Variants in TBC1D8 observed in about 807,000 individuals in gnomAD.
The protein encoded by TBC1D8 is TBC1 domain family member 8, also known as BUB2-like protein 1.
A neutral mutation model predicts 118.8 loss-of-function variants in TBC1D8; 65 were observed. That is an observed-to-expected ratio of 0.55 (90% CI 0.45 to 0.67). The LOEUF (loss-of-function observed/expected upper bound fraction) is 0.67, where lower values mean the gene tolerates loss of function less well. Among genes scored for constraint, TBC1D8 ranks in the 30% least tolerant of loss-of-function variants. TBC1D8 has a pLI of 0.00. For missense variants in TBC1D8, 1,376 were observed against 1,471.2 expected, an observed-to-expected ratio of 0.94 and a Z score of 1.06; for synonymous variants, 566 against 595.8, an observed-to-expected ratio of 0.95 and a Z score of 0.73.
At chr2:101,134,947 G>A (rs544207671) in intron 1 of TBC1D8, among the ~76,000 whole-genome samples, 86 of 152,222 alleles carry the variant, frequency 5.6e-4, no homozygotes, top group Admixed American at 2.1e-3. Context: ...GCCGAGGCAG[G>A]TGGATCACAA....
intron 17 of TBC1D8, chr2:101,017,996 C>T: frequency 1.1e-5 from 16 of 1,449,726 alleles, no homozygotes; most frequent in Non-Finnish European, 1.4e-5. Context: ...CCAATGCTCG[C>T]AATTCTACTT....
Position 101,027,409 on chromosome 2 carries a change from G to T in TBC1D8, c.2494C>A (p.Leu832Ile). ...TTGAATAAGTCGTAGAGCTCCTCTAGGTCTTCAGGAAGAATTGAGACTTCC... is the reference window on the plus strand; with the variant it reads ...TTGAATAAGTCGTAGAGCTCCTCTATGTCTTCAGGAAGAATTGAGACTTCC... Reference protein sequence around the residue: ...IPEVSILPEDLEELYDLFKRE... With the variant: ...IPEVSILPEDIEELYDLFKRE... Residue 832 changes from leucine (L) to isoleucine (I), a missense_variant, in exon 15 of 20, where the codon CTA becomes ATA. Physicochemically the swap from Leu to Ile is conservative, Grantham distance 5 (BLOSUM62 2). Transcript: ENST00000409318. 6.2e-7 allele frequency: 1 copy of T among 1,613,290 alleles called. No individual in the cohort carries two copies. Among genetic ancestry groups the T allele is most frequent in the Non-Finnish European group, 8.5e-7 (1 of 1,179,356 alleles).
At chr2:101,021,058 C>G (rs1354456547) in intron 17 of TBC1D8, among the ~76,000 whole-genome samples, 1 of 152,158 alleles carries the variant, frequency 6.6e-6, no homozygotes, top group Non-Finnish European at 1.5e-5. Context: ...TAGAATCCCC[C>G]TCAGTGCCTA....
Position 101,029,681 on chromosome 2 carries a change from C to T in TBC1D8, c.2032G>A (p.Val678Ile), listed in dbSNP as rs186711956. The change falls in exon 12 of 20, where the codon GTC becomes ATC. Residue 678 changes from valine to isoleucine, a missense_variant. Val to Ile is a conservative substitution (Grantham distance 29). Transcript: ENST00000409318. ...AGGGTCAGGAACCACGAGAGAGAGA[C>T]GGACGCCAGGGCTGAGAGGTCGTTC... ...HMNDLSALAS[V>I]SLSWFLTLFL... 154 of 1,614,010 alleles carry T rather than the reference C, an allele frequency of 9.5e-5. No homozygotes were observed. In the African/African-American group the frequency reaches 1.4e-3, roughly 14 times the overall value.
In TBC1D8 at chr2:101,146,993, G is replaced by A. The variant is rs539825025; in HGVS notation, c.127+4134C>T. Among the ~76,000 whole-genome samples the A allele has an allele frequency of 4.9e-4, 74 of 152,228 alleles. 1 individual carries two copies. In the South Asian group the frequency reaches 0.014, roughly 28 times the overall value. On this transcript the variant is annotated intron_variant, in intron 1 of 19. Coordinates refer to ENST00000409318, the MANE Select transcript of TBC1D8 (RefSeq NM_001330348.2). ...GTGCCTGGCTTATTTCACTTAACACGATGTCCTCTTCCAGGTTCATCCATG... is the reference window on the plus strand; with the variant it reads ...GTGCCTGGCTTATTTCACTTAACACAATGTCCTCTTCCAGGTTCATCCATG...
At chr2:101,048,188 CG>C (rs1681828969) in intron 5 of TBC1D8, among the ~76,000 whole-genome samples, 1 of 152,192 alleles carries the variant, frequency 6.6e-6, no homozygotes, top group African/African-American at 2.4e-5. Flanking sequence ...CTTGTTGCTT[CG>C]GGGCTTCCTG....
chr2:101,052,987 T>G (rs992941502), intron 4 of TBC1D8, among the ~76,000 whole-genome samples: 1 of 152,208 alleles, frequency 6.6e-6, no homozygotes, highest in Non-Finnish European at 1.5e-5. Context: ...AGTATCTCCT[T>G]TGCGAAGTGC....
chr2:101,091,972 C>T (rs1676068773), intron 1 of TBC1D8, among the ~76,000 whole-genome samples: 3 of 152,218 alleles, frequency 2.0e-5, no homozygotes, highest in Non-Finnish European at 4.4e-5. Context: ...AGTACAAACA[C>T]AGTATCCTCC....
intron 4 of TBC1D8, 92 bp from the exon 5 acceptor site, chr2:101,050,733 G>C (rs11680918): frequency 6.7e-7 from 1 of 1,494,644 alleles, no homozygotes; most frequent in Non-Finnish European, 9.0e-7. Flanking sequence ...GCTCTCCTTA[G>C]GCCGATGTGT....
intron 1 of TBC1D8, 126 bp from the exon 2 acceptor site, chr2:101,090,490 T>C: frequency 1.0e-6 from 1 of 993,850 alleles, no homozygotes; most frequent in East Asian, 2.6e-5. Flanking sequence ...TACATCCAGT[T>C]CTTCAACTCA....
chr2:101,106,737 C>A (rs1677243012), intron 1 of TBC1D8, among the ~76,000 whole-genome samples: 2 of 152,218 alleles, frequency 1.3e-5, no homozygotes. Flanking sequence ...TGGTGCAAGG[C>A]ACAGCACTCT....
chr2:101,113,054 T>A (rs1677674821), intron 1 of TBC1D8, among the ~76,000 whole-genome samples: 1 of 152,150 alleles, frequency 6.6e-6, no homozygotes, highest in African/African-American at 2.4e-5. Flanking sequence ...ACTTTTGACA[T>A]CCCATTTTAA....
Position 101,028,347 on chromosome 2 carries a change from A to G in TBC1D8, c.2308T>C (p.Tyr770His), listed in dbSNP as rs773385609. ...HAFFSDDQEP[Y>H]PVTDISDLIR... The stretch of plus-strand genomic sequence containing the variant: ...AGGTCCGAAATATCAGTCACAGGGT[A>G]GGGCTCCTGGTCGTCGGAGAAAAAG... Residue 770 changes from tyrosine (Y) to histidine (H), a missense_variant, in exon 13 of 20, where the codon TAC becomes CAC. Transcript: ENST00000409318. 6 of 1,612,926 alleles carry G rather than the reference A, an allele frequency of 3.7e-6. No homozygotes were observed. Among genetic ancestry groups the G allele is most frequent in the Admixed American group, 3.3e-5 (2 of 59,892 alleles).
rs559767398 is a variant in TBC1D8 at position 101,054,883 on chromosome 2, T to A, written c.403-547A>T. Among the ~76,000 whole-genome samples the A allele has an allele frequency of 2.1e-4, 31 of 151,132 alleles. No individual in the cohort carries two copies. The South Asian group carries it at 6.3e-3, about 31-fold the overall frequency. On this transcript the variant is annotated intron_variant, in intron 3 of 19. Coordinates refer to ENST00000409318, the MANE Select transcript of TBC1D8 (RefSeq NM_001330348.2). ...TTTTAGTAGAGACGGGGTTTCTCCA[T>A]GTTGGTCAGGCTGGTCTCGAACTCC...
At chr2:101,085,893 G>A (rs1056599554) in intron 2 of TBC1D8, among the ~76,000 whole-genome samples, 1 of 152,230 alleles carries the variant, frequency 6.6e-6, no homozygotes, top group African/African-American at 2.4e-5. Context: ...TGTAACCTCA[G>A]CACTTTGGGA....
At chr2:101,058,159 C>T (rs1682546711) in intron 3 of TBC1D8, among the ~76,000 whole-genome samples, 1 of 152,170 alleles carries the variant, frequency 6.6e-6, no homozygotes, top group African/African-American at 2.4e-5. Flanking sequence ...TGAGGGCTGA[C>T]CCGAGCCCAC....
intron 2 of TBC1D8, among the ~76,000 whole-genome samples, chr2:101,084,352 C>G (rs1675459066): frequency 6.6e-6 from 1 of 152,178 alleles, no homozygotes; most frequent in Non-Finnish European, 1.5e-5. Flanking sequence ...AGTTCAAGGC[C>G]AGCCTGGCCA....
At chr2:101,028,236 A>G in intron 13 of TBC1D8, 67 bp downstream of exon 13, 1 of 1,591,696 alleles carries the variant, frequency 6.3e-7, no homozygotes, top group South Asian at 1.1e-5. Context: ...TTCCACATCC[A>G]TCCCCCAGTC....
intron 17 of TBC1D8, among the ~76,000 whole-genome samples, chr2:101,013,525 A>T (rs78362750): frequency 0.24 from 36,651 of 151,996 alleles, 5,184 homozygotes; most frequent in South Asian, 0.38. Flanking sequence ...AAGATAAAGG[A>T]TTTACATTTG....
Sources: allele counts gnomAD v4.1 joint callset (sites outside exome capture counted in the v4.1 genomes callset), GRCh38; gene constraint gnomAD v4.1.1; transcripts MANE v1.5; gene names NCBI Gene and HGNC (gene_info 2026-07-23, HGNC 2026-07-21).